The following CEP135 variants were observed in gnomAD, a reference collection of about 807,000 sequenced individuals.
CEP135 encodes centrosomal protein of 135 kDa.
Under a neutral mutation model 157.3 loss-of-function variants are expected in CEP135, and 142 were observed. That is an observed-to-expected ratio of 0.90 (90% confidence interval 0.79 to 1.04). CEP135 has a LOEUF of 1.04. Ranked by LOEUF, CEP135 falls within the 50% of genes least tolerant of loss-of-function variation. The pLI is 0.00. For synonymous variants in CEP135, 396 were observed against 439.8 expected, an observed-to-expected ratio of 0.90 and a Z score of 1.25; for missense variants, 1,317 against 1,309.2, an observed-to-expected ratio of 1.01 and a Z score of -0.09.
In CEP135 at chr4:56,030,180, G is replaced by A. The variant is rs374679147; in HGVS notation, c.*12-1180G>A. Among the ~76,000 whole-genome samples, 93 of 152,192 alleles carry A rather than the reference G, an allele frequency of 6.1e-4. 1 individual carries two copies. The South Asian group carries it at 0.018, about 30-fold the overall frequency. ...GGTATTCAGGGGCAATAACATTTAC[G>A]GAGCTGCCATCTCCTGTGATAACAG... On this transcript the variant is annotated intron_variant, in intron 25 of 25. Coordinates refer to ENST00000257287, the MANE Select transcript of CEP135 (RefSeq NM_025009.5).
At position 56,013,082 on chromosome 4, in the gene CEP135, C is replaced by T. The variant is rs116624383; in HGVS notation, c.2802+1097C>T. On this transcript the variant is annotated intron_variant, in intron 21 of 25. Coordinates refer to ENST00000257287, the MANE Select transcript of CEP135 (RefSeq NM_025009.5). Reference sequence around the variant, plus strand: ...GTAATTTTTTTATTTTTTATAAGAGCCGTCATAATGGGAATAGAGCGGTAT... The same window carrying T: ...GTAATTTTTTTATTTTTTATAAGAGTCGTCATAATGGGAATAGAGCGGTAT... 7.7e-3 allele frequency among the ~76,000 whole-genome samples: 1,178 copies of T among 152,208 alleles called. 6 individuals carry two copies. The highest frequency in any genetic ancestry group is 0.027 in the African/African-American group (1,113 of 41,538).
intron 17 of CEP135, among the ~76,000 whole-genome samples, chr4:56,000,586 G>A (rs537717677): frequency 1.1e-4 from 17 of 152,274 alleles, no homozygotes; most frequent in Non-Finnish European, 1.6e-4. Flanking sequence ...GAGAACAAAT[G>A]ATATTTGTCT....
At chr4:56,009,431 G>C (rs1236040811) in intron 18 of CEP135, among the ~76,000 whole-genome samples, 4 of 151,924 alleles carry the variant, frequency 2.6e-5, no homozygotes, top group African/African-American at 9.7e-5. Flanking sequence ...CAAAGTTCTG[G>C]GATTACAGGC....
At chr4:56,028,293 C>A (rs973060997) in intron 25 of CEP135, among the ~76,000 whole-genome samples, 2 of 152,084 alleles carry the variant, frequency 1.3e-5, no homozygotes, top group African/African-American at 4.8e-5. Context: ...TGAGGGACTG[C>A]CAAACTGTTT....
Position 56,024,404 on chromosome 4 carries a change from T to C in CEP135, c.3321-97T>C, listed in dbSNP as rs927774909. 13 of 766,378 alleles carry C rather than the reference T, an allele frequency of 1.7e-5. No homozygotes were observed. In the Admixed American group the frequency reaches 2.1e-4, roughly 13 times the overall value. 47.5% of individuals were successfully genotyped at this position (766,378 alleles called of 1,614,324 possible). A position where few individuals can be genotyped will look rare whatever the true frequency, so the allele number is the denominator to read the frequency against. On this transcript the variant is annotated intron_variant, in intron 24 of 25. Transcript: ENST00000257287. Reference sequence around the variant, plus strand: ...AAATTTAATAGTAATACTAAGTAATTTATTACAAATTAGCTAATAACTCTT... The same window carrying C: ...AAATTTAATAGTAATACTAAGTAATCTATTACAAATTAGCTAATAACTCTT...
At chr4:55,962,322 G>A (rs1728707438) in intron 6 of CEP135, among the ~76,000 whole-genome samples, 1 of 151,994 alleles carries the variant, frequency 6.6e-6, no homozygotes, top group African/African-American at 2.4e-5. Flanking sequence ...GGATGGTATC[G>A]ATCTCCTGAC....
intron 8 of CEP135, among the ~76,000 whole-genome samples, chr4:55,966,855 A>G (rs762976874): frequency 2.6e-5 from 4 of 152,176 alleles, no homozygotes; most frequent in Non-Finnish European, 5.9e-5. Flanking sequence ...TAATTATAAT[A>G]ACATTTTTCA....
chr4:55,988,165 T>G (rs536760975), intron 14 of CEP135, among the ~76,000 whole-genome samples: 1 of 151,220 alleles, frequency 6.6e-6, no homozygotes, highest in East Asian at 2.0e-4. Flanking sequence ...AACATAAATT[T>G]TCCCCAACTT....
chr4:55,983,053 T>G (rs1729464707), intron 13 of CEP135, among the ~76,000 whole-genome samples: 1 of 152,210 alleles, frequency 6.6e-6, no homozygotes, highest in Non-Finnish European at 1.5e-5. Context: ...GTCACAATGT[T>G]CAGTTGAAGT....
intron 25 of CEP135, among the ~76,000 whole-genome samples, chr4:56,025,115 A>G (rs1027442307): frequency 6.6e-6 from 1 of 152,108 alleles, no homozygotes; most frequent in Non-Finnish European, 1.5e-5. Context: ...CTGTGATTGC[A>G]CTATTACAGT....
At chr4:56,026,079 C>T (rs1731150645) in intron 25 of CEP135, among the ~76,000 whole-genome samples, 1 of 151,976 alleles carries the variant, frequency 6.6e-6, no homozygotes, top group South Asian at 2.1e-4. Context: ...CATGGTGGCA[C>T]GCACCTGTAG....
rs58433550 is a variant in CEP135, at chr4:55,978,534, C to G, written c.1474-1609C>G. On this transcript the variant is annotated intron_variant, in intron 11 of 25. Transcript: ENST00000257287. ...CCTCCTTTTCTAGAATCTGTACAGA[C>G]TGCCTCTTTCTGGAAGATTATTTTG... 7.7e-3 allele frequency among the ~76,000 whole-genome samples: 1,176 copies of G among 152,240 alleles called. 14 individuals carry two copies. The highest frequency in any genetic ancestry group is 0.024 in the African/African-American group (1,005 of 41,538).
chr4:55,966,278 C>T (rs1434482890), intron 8 of CEP135: 10 of 156,334 alleles, frequency 6.4e-5, no homozygotes, highest in South Asian at 3.6e-4. Flanking sequence ...CTGCAACCCC[C>T]GTCTCCCCAG....
At chr4:55,965,594 T>G (rs745530836) in intron 7 of CEP135, 50 bp from the exon 8 acceptor site, 4 of 1,230,568 alleles carry the variant, frequency 3.3e-6, no homozygotes, top group Non-Finnish European at 4.6e-6. Context: ...AGTCAGTGTT[T>G]AGGATAATTT....
rs1577864662 is a variant in CEP135, at chr4:55,957,322, A to G, written c.572A>G (p.Asp191Gly). The change falls in exon 5 of 26, where the codon GAT (aspartate) becomes GGT (glycine). Residue 191 changes from aspartate to glycine, a missense_variant. Asp to Gly is a moderately conservative substitution (Grantham distance 94, BLOSUM62 -1). Coordinates refer to ENST00000257287, the MANE Select transcript of CEP135 (RefSeq NM_025009.5). ...AGTTCATATCCAGTTCCTCAACCAGATGACCCTTACATTGCAGACCTCCTT... is the reference window on the plus strand; with the variant it reads ...AGTTCATATCCAGTTCCTCAACCAGGTGACCCTTACATTGCAGACCTCCTT... ...EVSSYPVPQP[D>G]DPYIADLLQV... The G allele has an allele frequency of 6.2e-7, 1 of 1,614,102 alleles. No homozygotes were observed. The highest frequency in any genetic ancestry group is 1.1e-5 in the South Asian group (1 of 91,070).
chr4:56,016,306 TA>T (rs1730771455), intron 21 of CEP135, among the ~76,000 whole-genome samples: 2 of 152,174 alleles, frequency 1.3e-5, no homozygotes, highest in African/African-American at 4.8e-5. Flanking sequence ...TTTGTTTTTT[TA>T]AAACACCTAA....
intron 15 of CEP135, among the ~76,000 whole-genome samples, chr4:55,994,844 C>G (rs1353516083): frequency 6.6e-6 from 1 of 151,980 alleles, no homozygotes; most frequent in African/African-American, 2.4e-5. Flanking sequence ...TGCCACCATG[C>G]CCGGATAACT....
At chr4:55,958,238 C>T (rs773613445) in intron 5 of CEP135, among the ~76,000 whole-genome samples, 106 of 152,158 alleles carry the variant, frequency 7.0e-4, no homozygotes, top group Non-Finnish European at 1.4e-3. Flanking sequence ...AATTCAAGAC[C>T]AGCCTGGTCA....
chr4:55,977,710 A>G (rs1560406662), intron 11 of CEP135, among the ~76,000 whole-genome samples: 1 of 152,188 alleles, frequency 6.6e-6, no homozygotes, highest in South Asian at 2.1e-4. Context: ...TCTTTTAGCA[A>G]TTTTGAAGTA....
Sources: gnomAD v4.1 joint callset for allele counts (sites outside exome capture counted in the v4.1 genomes callset) on GRCh38, gnomAD v4.1.1 for gene constraint, MANE v1.5 for transcripts, NCBI Gene and HGNC (gene_info 2026-07-23, HGNC 2026-07-21) for gene names.